The following SEMA6D variants were observed in gnomAD, a reference collection of about 807,000 sequenced individuals.
SEMA6D encodes semaphorin 6D, also known as semaphorin-6D.
Under a neutral mutation model 106.6 loss-of-function variants are expected in SEMA6D, and 35 were observed. That is an observed-to-expected ratio of 0.33 (90% CI 0.25 to 0.44). The LOEUF (loss-of-function observed/expected upper bound fraction) is 0.44, where lower values mean the gene tolerates loss of function less well. SEMA6D is among the 20% of genes least tolerant of loss of function. The pLI is 1.00. For missense variants in SEMA6D, 1,185 were observed against 1,345.9 expected (o/e 0.88, Z 1.87); for synonymous variants, 499 against 487.7 (o/e 1.02, Z -0.31).
chr15:47,684,565 G>A (rs2078430143), intron 4 of SEMA6D, among the ~76,000 whole-genome samples: 1 of 152,074 alleles, frequency 6.6e-6, no homozygotes, highest in Non-Finnish European at 1.5e-5. Context: ...GTTCACTGTT[G>A]TGTTTCCTGG....
intron 1 of SEMA6D, among the ~76,000 whole-genome samples, chr15:47,379,380 G>A (rs1163696228): frequency 1.3e-5 from 2 of 152,032 alleles, no homozygotes; most frequent in Non-Finnish European, 2.9e-5. Flanking sequence ...CTTTATAAAG[G>A]GTACTATCAA....
chr15:47,186,987 A>C (rs774026109), intron 1 of SEMA6D, among the ~76,000 whole-genome samples: 9 of 152,000 alleles, frequency 5.9e-5, no homozygotes, highest in Non-Finnish European at 1.0e-4. Context: ...AGGTCTTTCT[A>C]AACTTGTTCA....
At chr15:47,326,118 A>G (rs1477742209) in intron 1 of SEMA6D, among the ~76,000 whole-genome samples, 2 of 152,174 alleles carry the variant, frequency 1.3e-5, no homozygotes, top group Non-Finnish European at 2.9e-5. Flanking sequence ...GGGAAAAACT[A>G]CATGTTAAAC....
At chr15:47,345,331 A>C (rs1049554593) in intron 1 of SEMA6D, among the ~76,000 whole-genome samples, 3 of 152,218 alleles carry the variant, frequency 2.0e-5, no homozygotes, top group African/African-American at 7.2e-5. Flanking sequence ...ATAAAGCTGC[A>C]GTAATCAAAA....
At chr15:47,510,860 A>C (rs187044038) in intron 3 of SEMA6D, among the ~76,000 whole-genome samples, 64 of 152,294 alleles carry the variant, frequency 4.2e-4, no homozygotes, top group African/African-American at 1.4e-3. Flanking sequence ...ATCTCCTTCA[A>C]CACCACCTTC....
chr15:47,325,839 C>T (rs1411333131), intron 1 of SEMA6D, among the ~76,000 whole-genome samples: 2 of 152,072 alleles, frequency 1.3e-5, no homozygotes, highest in Non-Finnish European at 2.9e-5. Context: ...AGGGCAACTT[C>T]TGGAGTTAAA....
At chr15:47,599,307 C>T (rs1400798779) in intron 3 of SEMA6D, among the ~76,000 whole-genome samples, 2 of 152,072 alleles carry the variant, frequency 1.3e-5, no homozygotes, top group South Asian at 2.1e-4. Flanking sequence ...TTCTAGCCAA[C>T]GGCAAGGAGG....
chr15:47,593,540 G>GA (rs201128256), intron 3 of SEMA6D, among the ~76,000 whole-genome samples: 49 of 139,428 alleles, frequency 3.5e-4, no homozygotes, highest in African/African-American at 6.9e-4. Flanking sequence ...TAAATAATCA[G>GA]AAAAAAAAAA....
intron 3 of SEMA6D, among the ~76,000 whole-genome samples, chr15:47,515,652 C>G (rs926338028): frequency 4.6e-5 from 7 of 152,196 alleles, no homozygotes; most frequent in Non-Finnish European, 2.9e-5. Context: ...CTGGAGGCAG[C>G]CTTCAGCAAA....
chr15:47,503,466 T>G (rs920034335), intron 3 of SEMA6D, among the ~76,000 whole-genome samples: 1 of 152,190 alleles, frequency 6.6e-6, no homozygotes, highest in African/African-American at 2.4e-5. Flanking sequence ...ACCAGCTAGA[T>G]GACTATGGGC....
intron 2 of SEMA6D, among the ~76,000 whole-genome samples, chr15:47,420,970 T>C (rs1200212673): frequency 1.3e-5 from 2 of 152,130 alleles, no homozygotes; most frequent in Non-Finnish European, 2.9e-5. Context: ...TCATGAAGCA[T>C]AAAATTGCTA....
chr15:47,315,078 G>C (rs1226648582), intron 1 of SEMA6D, among the ~76,000 whole-genome samples: 1 of 151,602 alleles, frequency 6.6e-6, no homozygotes, highest in Non-Finnish European at 1.5e-5. Context: ...GTGTTAGCCA[G>C]GATGGTCTCG....
At chr15:47,768,009 T>C (rs2082433931) in intron 17 of SEMA6D, among the ~76,000 whole-genome samples, 1 of 152,160 alleles carries the variant, frequency 6.6e-6, no homozygotes, top group South Asian at 2.1e-4. Context: ...CTTCGTTGTT[T>C]TACTGTGGGT....
At chr15:47,420,824 CA>C (rs1340597421) in intron 2 of SEMA6D, among the ~76,000 whole-genome samples, 1 of 152,010 alleles carries the variant, frequency 6.6e-6, no homozygotes, top group Non-Finnish European at 1.5e-5. Context: ...CCACTGTCTC[CA>C]AAAAGTAATT....
chr15:47,632,196 T>C (rs1010014079), intron 4 of SEMA6D, among the ~76,000 whole-genome samples: 3 of 152,002 alleles, frequency 2.0e-5, no homozygotes, highest in Non-Finnish European at 4.4e-5. Flanking sequence ...TATTTTAAAA[T>C]TGTTGAGGTT....
chr15:47,211,237 C>T (rs990364434), intron 1 of SEMA6D, among the ~76,000 whole-genome samples: 4 of 152,016 alleles, frequency 2.6e-5, no homozygotes, highest in African/African-American at 7.2e-5. Context: ...ATATAGCATG[C>T]GTACACTTGT....
intron 3 of SEMA6D, among the ~76,000 whole-genome samples, chr15:47,552,904 A>T (rs1332409212): frequency 4.9e-3 from 173 of 35,598 alleles, no homozygotes; most frequent in South Asian, 7.1e-3. Flanking sequence ...ATATATATAT[A>T]TAAATATATA....
intron 4 of SEMA6D, among the ~76,000 whole-genome samples, chr15:47,666,003 C>T (rs766954059): frequency 1.3e-5 from 2 of 152,122 alleles, no homozygotes; most frequent in Non-Finnish European, 2.9e-5. Flanking sequence ...AGACATGTGT[C>T]CCAATTCTTC....
chr15:47,680,825 G>A (rs1240941543), intron 4 of SEMA6D, among the ~76,000 whole-genome samples: 1 of 152,144 alleles, frequency 6.6e-6, no homozygotes, highest in African/African-American at 2.4e-5. Flanking sequence ...ATGACCAACA[G>A]GTCTATAGAA....
Sources: allele counts gnomAD v4.1 joint callset (sites outside exome capture counted in the v4.1 genomes callset), GRCh38; gene constraint gnomAD v4.1.1; transcripts MANE v1.5; gene names NCBI Gene and HGNC (gene_info 2026-07-23, HGNC 2026-07-21).